ATG3: variants seen among roughly 807,000 people sequenced by gnomAD.
The protein encoded by ATG3 is autophagy related 3.
ATG3 carries 25 observed loss-of-function variants against 50.7 expected under a neutral mutation model. The observed-to-expected ratio is 0.49, with a 90% confidence interval of 0.36 to 0.69. The LOEUF (loss-of-function observed/expected upper bound fraction) is 0.69, where lower values mean the gene tolerates loss of function less well. ATG3 is among the 30% of genes least tolerant of loss of function. The pLI is 0.00. For synonymous variants in ATG3, 119 were observed against 125.5 expected (o/e 0.95, Z 0.34); for missense variants, 281 against 376.0 (o/e 0.75, Z 2.09).
chr3:112,534,069 G>T (rs1338507779), intron 11 of ATG3, 200 bp downstream of exon 11: 1 of 1,302,876 alleles, frequency 7.7e-7, no homozygotes, highest in Non-Finnish European at 9.7e-7. Context: ...TACACATGGG[G>T]ACATGTTCTA....
At chr3:112,549,156 C>T (rs1933456818) in intron 4 of ATG3, among the ~76,000 whole-genome samples, 1 of 152,160 alleles carries the variant, frequency 6.6e-6, no homozygotes, top group South Asian at 2.1e-4. Context: ...CACCAACCTT[C>T]TGATTTTTAC....
In ATG3 at chr3:112,541,675, T is replaced by C. The variant is rs1003926461; in HGVS notation, c.475+128A>G. ...TAATGAAATTTATGAACTAAACATA[T>C]ATAAAACACTCACTAGGCTGCTAAA... On this transcript the variant is annotated intron_variant, in intron 7 of 11. Transcript: ENST00000283290. 2.2e-5 allele frequency: 16 copies of C among 733,656 alleles called. No individual in the cohort carries two copies. In the East Asian group the frequency reaches 2.7e-4, roughly 12 times the overall value. 45.4% of individuals were successfully genotyped at this position (733,656 alleles called of 1,614,324 possible).
intron 7 of ATG3, among the ~76,000 whole-genome samples, chr3:112,539,290 T>C (rs73229350): frequency 0.042 from 6,375 of 152,272 alleles, 246 homozygotes; most frequent in Admixed American, 0.11. Flanking sequence ...GTCAAGACCT[T>C]ATAGAATCTG....
At chr3:112,558,570 C>A (rs557376475) in intron 1 of ATG3, among the ~76,000 whole-genome samples, 153 bp from the exon 2 acceptor site, 3 of 152,134 alleles carry the variant, frequency 2.0e-5, no homozygotes. Context: ...TCTATCTAAT[C>A]TACCTATCTA....
rs11923995 is a variant in ATG3 at position 112,532,827 on chromosome 3, G to C, written c.864-47C>G. The C allele has an allele frequency of 2.2e-3, 3,346 of 1,524,802 alleles. 52 individuals are homozygous for C. The African/African-American group carries it at 0.038, about 17-fold the overall frequency. The allele number at this position is 1,524,802 out of a possible 1,614,324, so 94.5% of individuals were successfully genotyped here. On this transcript the variant is annotated intron_variant, in intron 11 of 11. Coordinates refer to ENST00000283290, the MANE Select transcript of ATG3 (RefSeq NM_022488.5). ...AAATAAGATTTGTAAATAGTTCTAT[G>C]TTTTAAGCCCATGTTGTAATTATCC...
chr3:112,550,998 C>T (rs1933511326), intron 3 of ATG3, among the ~76,000 whole-genome samples: 1 of 152,120 alleles, frequency 6.6e-6, no homozygotes, highest in Admixed American at 6.5e-5. Context: ...GGGTCAAAGC[C>T]AAGTGACTTC....
At chr3:112,559,580 A>AAGAGAACAAAGACTTCACTGAATAATG in intron 1 of ATG3, among the ~76,000 whole-genome samples, 1 of 152,362 alleles carries the variant, frequency 6.6e-6, no homozygotes, top group Non-Finnish European at 1.5e-5. Flanking sequence ...ATAGAATGGT[A>AAGAGAACAAAGACTTCACTGAATAATG]AGAGAACAAA....
At chr3:112,554,284 T>A (rs1247752438) in intron 2 of ATG3, among the ~76,000 whole-genome samples, 1 of 152,176 alleles carries the variant, frequency 6.6e-6, no homozygotes, top group African/African-American at 2.4e-5. Flanking sequence ...CAACTGAAGA[T>A]CCACAAAAGA....
intron 8 of ATG3, 58 bp from the exon 9 acceptor site, chr3:112,537,948 C>A: frequency 6.8e-7 from 1 of 1,465,324 alleles, no homozygotes; most frequent in South Asian, 1.3e-5. Context: ...ATGTGACATT[C>A]TAGAAAACTT....
intron 6 of ATG3, among the ~76,000 whole-genome samples, chr3:112,543,051 AAAC>A (rs1476445255): frequency 6.6e-6 from 1 of 152,054 alleles, no homozygotes; most frequent in African/African-American, 2.4e-5. Context: ...TAAAAAAACA[AAAC>A]AAACAAAAAA....
intron 1 of ATG3, 111 bp downstream of exon 1, chr3:112,561,346 C>A (rs1219998868): frequency 8.8e-6 from 10 of 1,138,366 alleles, no homozygotes; most frequent in Non-Finnish European, 1.3e-5. Context: ...TCGAGCCCTA[C>A]TGCCTTCCTA....
chr3:112,548,573 ATCT>A lies in ATG3; in HGVS notation c.300_302del (p.Glu100del), dbSNP rs777880679. Reference sequence around the variant, plus strand: ...TATCTACCCATCCGCCATCACCATCATCTTCTTCAATGATAGCTTCCAATTCAT... The same window carrying A: ...TATCTACCCATCCGCCATCACCATCATCTTCAATGATAGCTTCCAATTCAT... On this transcript the variant is annotated inframe_deletion, in exon 5 of 12. Coordinates refer to ENST00000283290, the MANE Select transcript of ATG3 (RefSeq NM_022488.5). 6.2e-6 allele frequency: 10 copies of A among 1,613,950 alleles called. No individual in the cohort carries two copies. The highest frequency in any genetic ancestry group is 1.1e-5 in the South Asian group (1 of 91,080).
At chr3:112,553,781 G>A (rs970140637) in intron 2 of ATG3, among the ~76,000 whole-genome samples, 1 of 151,362 alleles carries the variant, frequency 6.6e-6, no homozygotes, top group Non-Finnish European at 1.5e-5. Flanking sequence ...TATAATGTAA[G>A]TCTACTTTAT....
At chr3:112,535,703 GT>G (rs1297334119) in intron 10 of ATG3, 1 of 152,112 alleles carries the variant, frequency 6.6e-6, no homozygotes, top group Admixed American at 6.6e-5. Flanking sequence ...ATTAAAGGTT[GT>G]TTTTAACTAG....
At chr3:112,536,321 C>A (rs1183818249) in intron 10 of ATG3, 154 bp downstream of exon 10, 1 of 828,048 alleles carries the variant, frequency 1.2e-6, no homozygotes, top group Non-Finnish European at 1.8e-6. Context: ...TATATTTAAG[C>A]ACAAGAAAAT....
At position 112,561,812 on chromosome 3, in the gene ATG3, GGAGAC is replaced by G. The variant is rs1202316985; in HGVS notation, c.-289_-285del. The stretch of plus-strand genomic sequence containing the variant: ...GCGAGGGAGGGCAGCGGGGCCGAAG[GGAGAC>G]CTGAGGTGAGAAGCGGACGCACACG... On this transcript the variant is annotated 5_prime_UTR_variant, in exon 1 of 12. Transcript: ENST00000283290. The G allele has an allele frequency of 6.9e-6, 3 of 434,648 alleles. No individual in the cohort carries two copies. The highest frequency in any genetic ancestry group is 6.4e-5 in the African/African-American group (3 of 46,814). 26.9% of individuals were successfully genotyped at this position (434,648 alleles called of 1,614,324 possible). A position where few individuals can be genotyped will look rare whatever the true frequency, so the allele number is the denominator to read the frequency against.
At chr3:112,534,383 C>A (rs544952306) in intron 10 of ATG3, 46 bp from the exon 11 acceptor site, 2 of 1,441,804 alleles carry the variant, frequency 1.4e-6, no homozygotes, top group Admixed American at 2.5e-5. Context: ...ATCGATTAGA[C>A]CGAAAGAAGA....
intron 11 of ATG3, chr3:112,533,366 T>C (rs781505176): frequency 1.0e-6 from 1 of 985,202 alleles, no homozygotes; most frequent in Non-Finnish European, 1.2e-6. Context: ...ATATAGACAG[T>C]CTTCCAAGTT....
At chr3:112,553,250 A>G in intron 3 of ATG3, 30 bp downstream of exon 3, 1 of 1,574,196 alleles carries the variant, frequency 6.4e-7, no homozygotes, top group Non-Finnish European at 8.7e-7. Context: ...CATTTTACTA[A>G]TTTTCTATTC....
Sources: gnomAD v4.1 joint callset for allele counts (sites outside exome capture counted in the v4.1 genomes callset) on GRCh38, gnomAD v4.1.1 for gene constraint, MANE v1.5 for transcripts, NCBI Gene and HGNC (gene_info 2026-07-23, HGNC 2026-07-21) for gene names.